The following KIF9 variants were observed in gnomAD, a reference collection of about 807,000 sequenced individuals.
The protein encoded by KIF9 is kinesin family member 9.
A neutral mutation model predicts 94.8 loss-of-function variants in KIF9; 68 were observed. That is an observed-to-expected ratio of 0.72 (90% confidence interval 0.59 to 0.88). The LOEUF is 0.88. Among genes scored for constraint, KIF9 ranks in the 40% least tolerant of loss-of-function variants. KIF9 has a pLI of 0.00. For synonymous variants in KIF9, 343 were observed against 362.1 expected, an observed-to-expected ratio of 0.95 and a Z score of 0.60; for missense variants, 882 against 982.5, an observed-to-expected ratio of 0.90 and a Z score of 1.37.
chr3:47,247,475 G>A lies in KIF9; in HGVS notation c.1131C>T (p.Thr377=). Residue 377 remains threonine (T), a splice_region_variant and synonymous_variant, in exon 12 of 21, where the codon ACC becomes ACT. Transcript: ENST00000684063. Reference sequence around the variant, plus strand: ...GGTCATAGGTCACAAAGGTGCGGTTGGTCTTGAAGGAGGATGAAGAACATG... The same window carrying A: ...GGTCATAGGTCACAAAGGTGCGGTTAGTCTTGAAGGAGGATGAAGAACATG... ...KQELAIHDSL[T]NRTFVTYDPM... is the part of the protein sequence containing the mutation. The A allele has an allele frequency of 6.2e-7, 1 of 1,610,888 alleles. No individual in the cohort carries two copies. Among genetic ancestry groups the A allele is most frequent in the Non-Finnish European group, 8.5e-7 (1 of 1,177,170 alleles).
intron 10 of KIF9, among the ~76,000 whole-genome samples, chr3:47,255,733 C>CTCTCCCCACGG (rs1559445779): frequency 6.6e-6 from 1 of 151,164 alleles, no homozygotes; most frequent in Admixed American, 6.6e-5. Context: ...CTCCCTCTCC[C>CTCTCCCCACGG]TCTCCCTCTC....
At chr3:47,242,997 G>C in intron 16 of KIF9, 54 bp downstream of exon 16, 1 of 1,400,132 alleles carries the variant, frequency 7.1e-7, no homozygotes, top group Non-Finnish European at 9.9e-7. Flanking sequence ...CACATGTTGA[G>C]GATCACATAT....
At chr3:47,268,746 C>A (rs939826762) in intron 5 of KIF9, among the ~76,000 whole-genome samples, 5 of 151,988 alleles carry the variant, frequency 3.3e-5, no homozygotes, top group Middle Eastern at 6.8e-3. Flanking sequence ...CCATGCCAGG[C>A]TAATTTTTTA....
chr3:47,276,757 A>G (rs1701999404), intron 2 of KIF9, among the ~76,000 whole-genome samples: 2 of 152,182 alleles, frequency 1.3e-5, no homozygotes, highest in Admixed American at 6.5e-5. Context: ...GAATGTCTCA[A>G]TGCTGCCCAG....
Position 47,243,187 on chromosome 3 carries a change from C to T in KIF9, c.1573G>A (p.Val525Ile), listed in dbSNP as rs776004585. ...SPVNGKDLDY[V>I]STSKTQLVPS... is the part of the protein sequence containing the mutation. The stretch of plus-strand genomic sequence containing the variant: ...ACCAGCTGGGTCTTGGAGGTGGAAA[C>T]GTAATCCAAGTCCTTCCCATTCACA... Residue 525 changes from valine (V) to isoleucine (I), a missense_variant, in exon 16 of 21, where the codon GTT becomes ATT. By Grantham distance (29) the Val-to-Ile change is conservative. Transcript: ENST00000684063. 2.0e-5 allele frequency: 33 copies of T among 1,613,760 alleles called. No homozygotes were observed. Among genetic ancestry groups the T allele is most frequent in the East Asian group, 6.7e-5 (3 of 44,882 alleles).
intron 13 of KIF9, chr3:47,245,837 A>G: frequency 2.1e-6 from 1 of 477,424 alleles, no homozygotes; most frequent in Non-Finnish European, 3.8e-6. Context: ...GGCCACTTGG[A>G]ATCACATGAC....
rs1292693195 is a variant in KIF9, at chr3:47,228,557, A to T, written c.*95T>A. ...CTGTGCTGGGTCCCAGCATTGGAGT[A>T]GAGGGGGCTGCAGCTCTGGGCAGGT... On this transcript the variant is annotated 3_prime_UTR_variant, in exon 21 of 21. Transcript: ENST00000684063. 1 of 997,676 alleles carries T rather than the reference A, an allele frequency of 1.0e-6. No individual in the cohort carries two copies. Among genetic ancestry groups the T allele is most frequent in the Non-Finnish European group, 1.6e-6 (1 of 620,574 alleles). 61.8% of individuals were successfully genotyped at this position (997,676 alleles called of 1,614,324 possible).
At chr3:47,236,672 G>A in intron 17 of KIF9, 53 bp from the exon 18 acceptor site, 1 of 1,526,964 alleles carries the variant, frequency 6.5e-7, no homozygotes, top group Non-Finnish European at 9.0e-7. Context: ...CCTGAAATTG[G>A]GGGAGGAAGG....
Position 47,247,369 on chromosome 3 carries a change from T to G in KIF9, c.1233+4A>C. 6.2e-7 allele frequency: 1 copy of G among 1,606,084 alleles called. No homozygotes were observed. The highest frequency in any genetic ancestry group is 8.5e-7 in the Non-Finnish European group (1 of 1,172,956). ...AGCATAGTGGTCACAGAGGGGTTCC[T>G]TACGTCGATCTCGTCCAGTGTCCCC... is the stretch of plus-strand genomic sequence containing the variant. On this transcript the variant is annotated splice_donor_region_variant and intron_variant, in intron 12 of 20. Coordinates refer to ENST00000684063, the MANE Select transcript of KIF9 (RefSeq NM_182902.4).
intron 20 of KIF9, among the ~76,000 whole-genome samples, chr3:47,232,720 C>T (rs1023812272): frequency 4.6e-5 from 7 of 152,132 alleles, no homozygotes; most frequent in African/African-American, 1.7e-4. Context: ...TGCTGGCTCA[C>T]ACCTATAATC....
chr3:47,275,743 G>A (rs1217475982), intron 2 of KIF9, among the ~76,000 whole-genome samples: 3 of 152,172 alleles, frequency 2.0e-5, no homozygotes, highest in African/African-American at 4.8e-5. Context: ...TAGTTCACAC[G>A]GTGCTGTCTT....
chr3:47,261,358 C>A (rs1210173293), intron 9 of KIF9, among the ~76,000 whole-genome samples: 1 of 152,134 alleles, frequency 6.6e-6, no homozygotes, highest in African/African-American at 2.4e-5. Flanking sequence ...GGAGGGGGAG[C>A]CAGCCAAGGA....
At chr3:47,256,181 C>A (rs929842351) in intron 10 of KIF9, among the ~76,000 whole-genome samples, 3 of 152,254 alleles carry the variant, frequency 2.0e-5, no homozygotes, top group African/African-American at 7.2e-5. Context: ...TTGGCCGCCA[C>A]CCCGTCTGGG....
At position 47,228,397 on chromosome 3, in the gene KIF9, A is replaced by G. The variant is rs574388022; in HGVS notation, c.*255T>C. The stretch of plus-strand genomic sequence containing the variant: ...AGACAAAGTTCTCAGATGAGCACTG[A>G]AAGTCCAAACTAGAAAGTTATTTTA... On this transcript the variant is annotated 3_prime_UTR_variant, in exon 21 of 21. Transcript: ENST00000684063. 2.1e-6 allele frequency: 1 copy of G among 475,976 alleles called. No individual in the cohort carries two copies. Among genetic ancestry groups the G allele is most frequent in the African/African-American group, 1.9e-5 (1 of 51,428 alleles). 29.5% of individuals were successfully genotyped at this position (475,976 alleles called of 1,614,324 possible). A position where few individuals can be genotyped will look rare whatever the true frequency, so the allele number is the denominator to read the frequency against.
intron 16 of KIF9, 54 bp downstream of exon 16, chr3:47,242,997 G>A: frequency 7.1e-7 from 1 of 1,400,132 alleles, no homozygotes; most frequent in Non-Finnish European, 9.9e-7. Context: ...CACATGTTGA[G>A]GATCACATAT....
chr3:47,245,782 C>T (rs1346563113), intron 13 of KIF9: 1 of 520,454 alleles, frequency 1.9e-6, no homozygotes, highest in African/African-American at 1.9e-5. Flanking sequence ...CCGTAAGCTT[C>T]ACTTGGGACC....
chr3:47,265,722 C>T lies in KIF9; in HGVS notation c.916+8G>A, dbSNP rs755495269. 5 of 1,613,744 alleles carry T rather than the reference C, an allele frequency of 3.1e-6. No individual in the cohort carries two copies. In the East Asian group the frequency reaches 1.1e-4, roughly 36 times the overall value. ...CCTCCTCCCTGGGCAGCAACTGTACCCCCTCACCTAACGAGTCCTTCAGAG... is the reference window on the plus strand; with the variant it reads ...CCTCCTCCCTGGGCAGCAACTGTACTCCCTCACCTAACGAGTCCTTCAGAG... On this transcript the variant is annotated splice_region_variant and intron_variant, in intron 8 of 20. Transcript: ENST00000684063.
intron 9 of KIF9, 52 bp from the exon 10 acceptor site, chr3:47,257,612 C>T: frequency 6.6e-7 from 1 of 1,513,516 alleles, no homozygotes; most frequent in Non-Finnish European, 9.1e-7. Flanking sequence ...AAGTGAGACC[C>T]CAAGAGACCG....
At chr3:47,247,134 G>A (rs1288630614) in intron 12 of KIF9, among the ~76,000 whole-genome samples, 1 of 152,178 alleles carries the variant, frequency 6.6e-6, no homozygotes, top group Admixed American at 6.5e-5. Context: ...TTTTGCCAAG[G>A]TCACTCAGCA....
Sources: gnomAD v4.1 joint callset for allele counts (sites outside exome capture counted in the v4.1 genomes callset) on GRCh38, gnomAD v4.1.1 for gene constraint, MANE v1.5 for transcripts, NCBI Gene and HGNC (gene_info 2026-07-23, HGNC 2026-07-21) for gene names.